BMP7: variants seen among roughly 807,000 people sequenced by gnomAD.
The protein encoded by BMP7 is osteogenic protein 1.
A neutral mutation model predicts 41.2 loss-of-function variants in BMP7; 12 were observed. The observed-to-expected ratio is 0.29, with a 90% CI of 0.19 to 0.47. The LOEUF is 0.47. Ranked by LOEUF, BMP7 falls within the 20% of genes least tolerant of loss-of-function variation. The probability of loss-of-function intolerance (pLI) is 0.99; values close to 1 mark genes in which losing one functional copy is unlikely to be tolerated. For missense variants in BMP7, 467 were observed against 606.0 expected (o/e 0.77, Z 2.41); for synonymous variants, 248 against 250.0 (o/e 0.99, Z 0.07).
At chr20:57,244,281 G>A (rs557120230) in intron 1 of BMP7, among the ~76,000 whole-genome samples, 102 of 152,314 alleles carry the variant, frequency 6.7e-4, no homozygotes, top group African/African-American at 1.4e-3. Context: ...AAAGGAGAGT[G>A]TCCATGGAGT....
rs554583593 is a variant in BMP7, at chr20:57,228,008, G to A, written c.611+221C>T. The stretch of plus-strand genomic sequence containing the variant: ...CCTATAAAAACCCACAAGGCACCAC[G>A]CATCCCTGGGCTCCCTGGCCTTCTA... On this transcript the variant is annotated intron_variant, in intron 2 of 6. Transcript: ENST00000395863. This position sits in a 1 kb window ranked among gnomAD's most constrained non-coding sequence, Gnocchi z 4.5. Among the ~76,000 whole-genome samples, 1 of 152,194 alleles carries A rather than the reference G, an allele frequency of 6.6e-6. No homozygotes were observed. Among genetic ancestry groups the A allele is most frequent in the African/African-American group, 2.4e-5 (1 of 41,498 alleles).
chr20:57,192,966 G>T (rs1984408497), intron 3 of BMP7, among the ~76,000 whole-genome samples: 3 of 152,182 alleles, frequency 2.0e-5, no homozygotes, highest in Admixed American at 2.0e-4. Flanking sequence ...TGAGCTCTCT[G>T]CAGGCTGCAG....
rs1985260013 is a variant in BMP7, at chr20:57,224,382, TC to T, written c.611+3846del. ...TCTGCTGCCCTGGCTGGCCTTGGCC[TC>T]CCAGGGAGGTTCTCAGAGGCCAGCT... On this transcript the variant is annotated intron_variant, in intron 2 of 6. Transcript: ENST00000395863. The surrounding 1 kb of genome is among the most constrained non-coding windows in gnomAD (Gnocchi z 4.8). Among the ~76,000 whole-genome samples the T allele has an allele frequency of 6.6e-6, 1 of 152,152 alleles. No homozygotes were observed. Among genetic ancestry groups the T allele is most frequent in the Non-Finnish European group, 1.5e-5 (1 of 68,024 alleles).
intron 2 of BMP7, among the ~76,000 whole-genome samples, chr20:57,222,902 C>T (rs1985222863): frequency 6.9e-6 from 1 of 145,128 alleles, no homozygotes; most frequent in African/African-American, 2.8e-5. Flanking sequence ...GATCTTCACC[C>T]TTAGCCAGTC....
At chr20:57,202,672 C>T (rs1298503729) in intron 2 of BMP7, 49 bp from the exon 3 acceptor site, 5 of 1,577,054 alleles carry the variant, frequency 3.2e-6, no homozygotes, top group Admixed American at 3.4e-5. Context: ...CAGGTCACAG[C>T]TCCACTACCC....
intron 3 of BMP7, among the ~76,000 whole-genome samples, chr20:57,193,412 C>A (rs977592105): frequency 3.9e-5 from 6 of 152,166 alleles, no homozygotes; most frequent in African/African-American, 1.4e-4. Context: ...GGACGGCCCC[C>A]AACTGAGAAC....
chr20:57,224,770 C>G lies in BMP7; in HGVS notation c.611+3459G>C, dbSNP rs1200983437. 5 of 152,452 alleles carry G rather than the reference C, an allele frequency of 3.3e-5. 1 individual carries two copies. Among genetic ancestry groups the G allele is most frequent in the Admixed American group, 2.6e-4 (4 of 15,292 alleles). 9.4% of individuals were successfully genotyped at this position (152,452 alleles called of 1,614,324 possible). On this transcript the variant is annotated intron_variant, in intron 2 of 6. Transcript: ENST00000395863. This position sits in a 1 kb window ranked among gnomAD's most constrained non-coding sequence, Gnocchi z 4.8. Reference sequence around the variant, plus strand: ...TGTCCCCAGACCTGCCTCTGAGCCCCCACTCGCTCCACAGCCCGCCAAGGG... The same window carrying G: ...TGTCCCCAGACCTGCCTCTGAGCCCGCACTCGCTCCACAGCCCGCCAAGGG...
At chr20:57,227,718 T>C (rs777750086) in intron 2 of BMP7, among the ~76,000 whole-genome samples, 29 of 152,240 alleles carry the variant, frequency 1.9e-4, no homozygotes, top group Non-Finnish European at 4.0e-4. Context: ...TTGAAATTAA[T>C]GGATCTCGAT....
chr20:57,193,815 C>A (rs1490605036), intron 3 of BMP7, among the ~76,000 whole-genome samples: 2 of 152,184 alleles, frequency 1.3e-5, no homozygotes, highest in Non-Finnish European at 2.9e-5. Flanking sequence ...GCCCTTTGCA[C>A]GCTGTAGGCG....
At chr20:57,244,325 G>A (rs780374115) in intron 1 of BMP7, among the ~76,000 whole-genome samples, 2 of 152,200 alleles carry the variant, frequency 1.3e-5, no homozygotes, top group African/African-American at 4.8e-5. Context: ...GAAGCTATTC[G>A]CTCTGATTGC....
chr20:57,260,640 G>A (rs561341396), intron 1 of BMP7, among the ~76,000 whole-genome samples: 12 of 152,348 alleles, frequency 7.9e-5, no homozygotes, highest in African/African-American at 2.6e-4. Context: ...GATTTTACCA[G>A]TGGGACTTAA....
chr20:57,181,566 A>G (rs1984080808), intron 4 of BMP7, among the ~76,000 whole-genome samples: 1 of 152,210 alleles, frequency 6.6e-6, no homozygotes, highest in African/African-American at 2.4e-5. Flanking sequence ...ATTCTTTCCT[A>G]TCGCTGCTTT....
chr20:57,207,991 G>A (rs911849483), intron 2 of BMP7, among the ~76,000 whole-genome samples: 15 of 151,562 alleles, frequency 9.9e-5, no homozygotes, highest in South Asian at 8.4e-4. Context: ...CACCGCGCCC[G>A]GCTAATTTTT....
rs563165533 is a variant in BMP7 at position 57,172,866 on chromosome 20, T to C, written c.1146+334A>G. On this transcript the variant is annotated intron_variant, in intron 6 of 6. Transcript: ENST00000395863. ...TCATCTGTTTACCTGTTTCCTCTACTGGAAAATGAAGCAGGGCCCAGTGCT... is the reference window on the plus strand; with the variant it reads ...TCATCTGTTTACCTGTTTCCTCTACCGGAAAATGAAGCAGGGCCCAGTGCT... 6 of 576,748 alleles carry C rather than the reference T, an allele frequency of 1.0e-5. No individual in the cohort carries two copies. The African/African-American group carries it at 1.1e-4, about 11-fold the overall frequency. The allele number at this position is 576,748 out of a possible 1,614,324, so 35.7% of individuals were successfully genotyped here.
chr20:57,260,551 A>G (rs1017233639), intron 1 of BMP7, among the ~76,000 whole-genome samples: 1 of 152,230 alleles, frequency 6.6e-6, no homozygotes, highest in Non-Finnish European at 1.5e-5. Context: ...CACCCCATGA[A>G]GGCGAGAGAA....
At chr20:57,243,556 T>C (rs2066078151) in intron 1 of BMP7, among the ~76,000 whole-genome samples, 2 of 152,148 alleles carry the variant, frequency 1.3e-5, no homozygotes, top group South Asian at 2.1e-4. Flanking sequence ...ACTTACGGGT[T>C]TGAGGCCTGG....
At chr20:57,202,730 G>A (rs1406687427) in intron 2 of BMP7, 107 bp from the exon 3 acceptor site, 2 of 1,250,752 alleles carry the variant, frequency 1.6e-6, no homozygotes, top group Non-Finnish European at 2.2e-6. Context: ...GAGGGAAAGA[G>A]TCCACTGGTC....
At chr20:57,176,002 G>C (rs1983915311) in intron 4 of BMP7, among the ~76,000 whole-genome samples, 1 of 152,188 alleles carries the variant, frequency 6.6e-6, no homozygotes. Context: ...AAGAGGCTTT[G>C]TAAAGTCACT....
chr20:57,255,260 G>A (rs1303167150), intron 1 of BMP7, among the ~76,000 whole-genome samples: 2 of 152,184 alleles, frequency 1.3e-5, no homozygotes, highest in African/African-American at 4.8e-5. Flanking sequence ...TCCTAGCTGT[G>A]CATGTTTGGG....
Sources: allele counts gnomAD v4.1 joint callset (sites outside exome capture counted in the v4.1 genomes callset), GRCh38; gene constraint gnomAD v4.1.1; non-coding constraint Gnocchi (gnomAD v3.1); transcripts MANE v1.5; gene names NCBI Gene and HGNC (gene_info 2026-07-23, HGNC 2026-07-21).